Variants in PPDPFL observed in about 807,000 individuals in gnomAD.
PPDPFL encodes the protein pancreatic progenitor cell differentiation and proliferation factor like, also known as pancreatic progenitor cell differentiation and proliferation factor-like protein.
PPDPFL carries 12 observed loss-of-function variants against 12.6 expected under a neutral mutation model. The observed-to-expected ratio is 0.95, with a 90% CI of 0.61 to 1.54. The LOEUF (loss-of-function observed/expected upper bound fraction) is 1.54, where lower values mean the gene tolerates loss of function less well. Ranked by LOEUF, PPDPFL falls within the 40% of genes most tolerant of loss-of-function variation. The probability of loss-of-function intolerance (pLI) is 0.00; values close to 1 mark genes in which losing one functional copy is unlikely to be tolerated. For synonymous variants in PPDPFL, 24 were observed against 32.7 expected (o/e 0.73, Z 0.91); for missense variants, 114 against 96.0 (o/e 1.19, Z -0.78).
intron 2 of PPDPFL, among the ~76,000 whole-genome samples, chr8:49,073,426 A>G (rs766755951): frequency 6.6e-6 from 1 of 152,234 alleles, no homozygotes; most frequent in Non-Finnish European, 1.5e-5. Flanking sequence ...TCAGAACCAA[A>G]TTAGTAGTTA....
chr8:49,069,085 A>G (rs1029104225), upstream of PPDPFL, among the ~76,000 whole-genome samples: 1 of 152,228 alleles, frequency 6.6e-6, no homozygotes, highest in Non-Finnish European at 1.5e-5. Flanking sequence ...GGCTAATTAA[A>G]CAAACAGCAC....
intron 4 of PPDPFL, 141 bp from the exon 5 acceptor site, chr8:49,075,011 G>A: frequency 7.1e-7 from 1 of 1,404,724 alleles, no homozygotes; most frequent in South Asian, 1.4e-5. Context: ...ATTATTTAAA[G>A]TATTTTTAAA....
intron 2 of PPDPFL, among the ~76,000 whole-genome samples, chr8:49,073,319 T>A (rs1458702828): frequency 6.6e-6 from 1 of 152,216 alleles, no homozygotes; most frequent in African/African-American, 2.4e-5. Flanking sequence ...CCAGTTTTAT[T>A]TTTATTAATC....
intron 1 of PPDPFL, among the ~76,000 whole-genome samples, chr8:49,055,145 T>C (rs775900071): frequency 6.6e-6 from 1 of 152,162 alleles, no homozygotes; most frequent in Non-Finnish European, 1.5e-5. Flanking sequence ...TCAGTTGGTT[T>C]CTGGGCTCTA....
At chr8:49,056,403 A>T (rs1808113307) in intron 1 of PPDPFL, among the ~76,000 whole-genome samples, 1 of 152,016 alleles carries the variant, frequency 6.6e-6, no homozygotes, top group Non-Finnish European at 1.5e-5. Flanking sequence ...CTAAATTAGC[A>T]GTCCTCCAAC....
At position 49,065,553 on chromosome 8, in the gene PPDPFL, C is replaced by T. The variant is rs369889116; in HGVS notation, c.-44-7234C>T. Reference sequence around the variant, plus strand: ...ATGGGCAACTGACTCATTATTCCATCCAATAGTAATACAGATATGAATCAG... The same window carrying T: ...ATGGGCAACTGACTCATTATTCCATTCAATAGTAATACAGATATGAATCAG... On this transcript the variant is annotated intron_variant, in intron 1 of 4. Transcript: ENST00000517663. Among the ~76,000 whole-genome samples, 127 of 152,258 alleles carry T rather than the reference C, an allele frequency of 8.3e-4. 1 individual carries two copies. The highest frequency in any genetic ancestry group is 3.0e-3 in the African/African-American group (124 of 41,556).
Position 49,074,337 on chromosome 8 carries a change from A to T in PPDPFL, c.233+4A>T, listed in dbSNP as rs1463041817. The T allele has an allele frequency of 1.9e-6, 3 of 1,613,008 alleles. 1 individual carries two copies. The South Asian group carries it at 3.3e-5, about 18-fold the overall frequency. On this transcript the variant is annotated splice_donor_region_variant and intron_variant, in intron 4 of 4. Coordinates refer to ENST00000522267, the MANE Select transcript of PPDPFL (RefSeq NM_001256597.2). ...TAAAAGATCTGTCTGCTACTGGGTGAGTTTTAGCCTTCTCTGGTAAGGGCA... is the reference window on the plus strand; with the variant it reads ...TAAAAGATCTGTCTGCTACTGGGTGTGTTTTAGCCTTCTCTGGTAAGGGCA...
At position 49,075,613 on chromosome 8, in the gene PPDPFL, T is replaced by C. The variant is rs943918530; in HGVS notation, c.*440T>C. The C allele has an allele frequency of 3.8e-6, 1 of 260,910 alleles. No homozygotes were observed. The highest frequency in any genetic ancestry group is 7.4e-6 in the Non-Finnish European group (1 of 135,390). The allele number at this position is 260,910 out of a possible 1,614,324, so 16.2% of individuals were successfully genotyped here. A position where few individuals can be genotyped will look rare whatever the true frequency, so the allele number is the denominator to read the frequency against. ...TTAAGTTAGACTCTTTTTCTGTCTG[T>C]TGAGTGATTTATTTATTATGCCTTA... is the stretch of plus-strand genomic sequence containing the variant. On this transcript the variant is annotated 3_prime_UTR_variant, in exon 5 of 5. Coordinates refer to ENST00000522267, the MANE Select transcript of PPDPFL (RefSeq NM_001256597.2).
upstream of PPDPFL, among the ~76,000 whole-genome samples, chr8:49,067,975 T>A (rs1415309167): frequency 4.6e-5 from 7 of 151,716 alleles, no homozygotes; most frequent in Non-Finnish European, 1.0e-4. Flanking sequence ...CTTGGATATT[T>A]AAAAAAAAAC....
chr8:49,066,202 T>A (rs1273731156), intron 1 of PPDPFL, among the ~76,000 whole-genome samples: 9 of 152,178 alleles, frequency 5.9e-5, no homozygotes. Context: ...GCCCAATAAA[T>A]GTTAAAAATG....
rs1323432077 is a variant in PPDPFL, at chr8:49,061,852, A to G, written c.-45+7483A>G. 2.6e-5 allele frequency among the ~76,000 whole-genome samples: 4 copies of G among 152,352 alleles called. 1 individual carries two copies. The highest frequency in any genetic ancestry group is 2.0e-4 in the Admixed American group (3 of 15,306). Reference sequence around the variant, plus strand: ...TCCAAGGGGAAGGCCTCTCCGGGCAAAAACCAGACACTGAGATTTGTGATG... The same window carrying G: ...TCCAAGGGGAAGGCCTCTCCGGGCAGAAACCAGACACTGAGATTTGTGATG... On this transcript the variant is annotated intron_variant, in intron 1 of 4. Coordinates refer to the PPDPFL transcript ENST00000517663.
upstream of PPDPFL, among the ~76,000 whole-genome samples, chr8:49,071,423 T>C (rs4873308): frequency 0.5 from 76,421 of 151,886 alleles, 20,252 homozygotes; most frequent in East Asian, 0.82. Context: ...TTTGGGAGGC[T>C]GAGGCGGGTG....
chr8:49,075,316 G>C lies in PPDPFL; in HGVS notation c.*143G>C. On this transcript the variant is annotated 3_prime_UTR_variant, in exon 5 of 5. Transcript: ENST00000522267. ...TGAACAGCTCCCCTTCAGCGCCCCA[G>C]CTATTCCAGGACTCTTCTCCATTGT... 1 of 1,528,714 alleles carries C rather than the reference G, an allele frequency of 6.5e-7. No homozygotes were observed. Among genetic ancestry groups the C allele is most frequent in the Non-Finnish European group, 9.1e-7 (1 of 1,102,328 alleles). 94.7% of individuals were successfully genotyped at this position (1,528,714 alleles called of 1,614,324 possible).
At chr8:49,060,044 AG>A (rs775589221) in intron 1 of PPDPFL, among the ~76,000 whole-genome samples, 4 of 152,326 alleles carry the variant, frequency 2.6e-5, no homozygotes, top group South Asian at 4.1e-4. Flanking sequence ...AAGAAATAGA[AG>A]GGAAATGAAA....
chr8:49,071,308 C>G (rs1235179445), upstream of PPDPFL, among the ~76,000 whole-genome samples: 1 of 152,250 alleles, frequency 6.6e-6, no homozygotes. Context: ...TGGCCACAAT[C>G]ACCCCTCAAT....
intron 1 of PPDPFL, among the ~76,000 whole-genome samples, chr8:49,059,732 A>G (rs541041574): frequency 3.9e-5 from 6 of 152,342 alleles, no homozygotes; most frequent in African/African-American, 1.2e-4. Context: ...GTCTTCCTGT[A>G]CTTAACTATA....
chr8:49,060,194 T>C (rs918853794), intron 1 of PPDPFL, among the ~76,000 whole-genome samples: 1 of 152,210 alleles, frequency 6.6e-6, no homozygotes, highest in Non-Finnish European at 1.5e-5. Flanking sequence ...AAATAACATA[T>C]AATTTAATGC....
intron 1 of PPDPFL, among the ~76,000 whole-genome samples, chr8:49,055,055 T>C (rs1808091501): frequency 6.6e-6 from 1 of 152,204 alleles, no homozygotes; most frequent in Non-Finnish European, 1.5e-5. Context: ...ACTGAACTCA[T>C]AGAGTTTTCC....
chr8:49,074,928 A>AT, intron 4 of PPDPFL: 2 of 1,376,670 alleles, frequency 1.5e-6, no homozygotes, highest in South Asian at 3.2e-5. Flanking sequence ...ATAGATGCCA[A>AT]TGTTGAAATA....
Sources: gnomAD v4.1 joint callset for allele counts (sites outside exome capture counted in the v4.1 genomes callset) on GRCh38, gnomAD v4.1.1 for gene constraint, MANE v1.5 for transcripts, NCBI Gene and HGNC (gene_info 2026-07-23, HGNC 2026-07-21) for gene names.